The following CCSER1 variants were observed in gnomAD, a reference collection of about 807,000 sequenced individuals.
CCSER1 encodes the protein coiled-coil serine rich protein 1, also known as serine-rich coiled-coil domain-containing protein 1.
In CCSER1, 41 loss-of-function variants were observed where a neutral mutation model predicts 82.0. That is an observed-to-expected ratio of 0.50 (90% confidence interval 0.39 to 0.65). The LOEUF (loss-of-function observed/expected upper bound fraction) is 0.65, where lower values mean the gene tolerates loss of function less well. Among genes scored for constraint, CCSER1 ranks in the 30% least tolerant of loss-of-function variants. The probability of loss-of-function intolerance (pLI) is 0.00; values close to 1 mark genes in which losing one functional copy is unlikely to be tolerated. For synonymous variants in CCSER1, 414 were observed against 383.9 expected, an observed-to-expected ratio of 1.08 and a Z score of -0.92; for missense variants, 1,119 against 1,064.2, an observed-to-expected ratio of 1.05 and a Z score of -0.72.
At chr4:90,775,330 A>G (rs1014418199) in intron 7 of CCSER1, among the ~76,000 whole-genome samples, 1 of 152,182 alleles carries the variant, frequency 6.6e-6, no homozygotes, top group African/African-American at 2.4e-5. Context: ...GAGGTGCCTG[A>G]TCAAACAATG....
At chr4:90,705,117 G>C (rs1270606022) in intron 6 of CCSER1, among the ~76,000 whole-genome samples, 8 of 152,100 alleles carry the variant, frequency 5.3e-5, no homozygotes, top group African/African-American at 1.9e-4. Context: ...TCTAGCTTTG[G>C]TCTTTGATGA....
At chr4:91,044,481 A>G (rs185560062) in intron 9 of CCSER1, among the ~76,000 whole-genome samples, 46 of 152,308 alleles carry the variant, frequency 3.0e-4, no homozygotes, top group African/African-American at 1.1e-3. Context: ...ACTATGATTT[A>G]TCTTGACCTA....
intron 10 of CCSER1, among the ~76,000 whole-genome samples, chr4:91,380,380 C>G (rs541478054): frequency 2.3e-4 from 35 of 152,244 alleles, no homozygotes; most frequent in Admixed American, 5.9e-4. Context: ...GTGTGGGAGT[C>G]TAAGTCTCTT....
At chr4:90,631,838 A>T (rs1351322803) in intron 6 of CCSER1, among the ~76,000 whole-genome samples, 2 of 152,220 alleles carry the variant, frequency 1.3e-5, no homozygotes, top group African/African-American at 4.8e-5. Context: ...TGTTTTATAC[A>T]TAAAATTATT....
chr4:90,254,279 G>A lies in CCSER1; in HGVS notation c.-41-53965G>A, dbSNP rs542947110. Among the ~76,000 whole-genome samples the A allele has an allele frequency of 3.5e-4, 53 of 152,278 alleles. 1 individual carries two copies. Among genetic ancestry groups the A allele is most frequent in the African/African-American group, 1.3e-3 (52 of 41,570 alleles). On this transcript the variant is annotated intron_variant, in intron 1 of 10. Transcript: ENST00000509176. ...TCTGGCTTGCCTCGTTCTCTGGGCA[G>A]TACCCCTGCACCAGTGTTCCAGAGC...
At chr4:90,858,933 A>G (rs1398376771) in intron 8 of CCSER1, among the ~76,000 whole-genome samples, 1 of 151,944 alleles carries the variant, frequency 6.6e-6, no homozygotes, top group Non-Finnish European at 1.5e-5. Flanking sequence ...ACAAATACAT[A>G]TGGCTCTTGA....
Position 90,642,104 on chromosome 4 carries a change from C to T in CCSER1, c.1932+13872C>T, listed in dbSNP as rs544764284. 7.1e-5 allele frequency: 12 copies of T among 168,818 alleles called. No homozygotes were observed. The South Asian group carries it at 1.4e-3, about 20-fold the overall frequency. The allele number at this position is 168,818 out of a possible 1,614,324, so 10.5% of individuals were successfully genotyped here. On this transcript the variant is annotated intron_variant, in intron 6 of 10. Coordinates refer to ENST00000509176, the MANE Select transcript of CCSER1 (RefSeq NM_001145065.2). ...CTCCAAGGAATACTTGAGTCGTCAG[C>T]GCTTCTGATGGGTTTTGGAAAAAGA...
intron 9 of CCSER1, among the ~76,000 whole-genome samples, chr4:90,964,822 G>A (rs370322905): frequency 5.3e-5 from 8 of 150,852 alleles, no homozygotes; most frequent in South Asian, 2.1e-4. Context: ...AAAGGCTTTC[G>A]ATACCACGGA....
At chr4:90,627,450 A>G (rs1723500133) in intron 5 of CCSER1, among the ~76,000 whole-genome samples, 1 of 151,868 alleles carries the variant, frequency 6.6e-6, no homozygotes, top group African/African-American at 2.4e-5. Flanking sequence ...ATAATTCAGA[A>G]ATATATGTAT....
At chr4:91,397,549 T>C (rs1487594216) in intron 10 of CCSER1, among the ~76,000 whole-genome samples, 2 of 152,042 alleles carry the variant, frequency 1.3e-5, no homozygotes, top group African/African-American at 4.8e-5. Flanking sequence ...CTTATTTGTC[T>C]AGTTATCTAG....
At chr4:90,744,430 A>G (rs1233857423) in intron 7 of CCSER1, among the ~76,000 whole-genome samples, 1 of 152,238 alleles carries the variant, frequency 6.6e-6, no homozygotes, top group Non-Finnish European at 1.5e-5. Flanking sequence ...GAAATTTGTC[A>G]ATTGCTAGAA....
At chr4:90,525,720 C>A (rs1324329417) in intron 5 of CCSER1, among the ~76,000 whole-genome samples, 3 of 152,116 alleles carry the variant, frequency 2.0e-5, no homozygotes, top group Non-Finnish European at 4.4e-5. Context: ...CTGCTCACAG[C>A]AGTCCGTAAC....
At chr4:90,757,544 C>G (rs1367246700) in intron 7 of CCSER1, among the ~76,000 whole-genome samples, 1 of 152,156 alleles carries the variant, frequency 6.6e-6, no homozygotes, top group African/African-American at 2.4e-5. Flanking sequence ...GCAATGGCCT[C>G]CTATAAAGTT....
intron 1 of CCSER1, among the ~76,000 whole-genome samples, chr4:90,304,224 G>C (rs1048550440): frequency 3.3e-5 from 5 of 152,198 alleles, no homozygotes; most frequent in Non-Finnish European, 7.3e-5. Flanking sequence ...TTCAACCATT[G>C]TGGAAGTCAG....
chr4:91,308,365 T>C (rs1330848240), intron 10 of CCSER1, among the ~76,000 whole-genome samples: 1 of 152,018 alleles, frequency 6.6e-6, no homozygotes, highest in Non-Finnish European at 1.5e-5. Context: ...TGGATGTACT[T>C]TGAAGGAAAT....
chr4:90,307,168 G>T (rs908039695), intron 1 of CCSER1, among the ~76,000 whole-genome samples: 1 of 152,034 alleles, frequency 6.6e-6, no homozygotes, highest in Non-Finnish European at 1.5e-5. Context: ...TAATCTGTGG[G>T]AAAGTACCTG....
intron 10 of CCSER1, among the ~76,000 whole-genome samples, chr4:91,397,355 A>G (rs185744050): frequency 8.0e-4 from 121 of 152,128 alleles, no homozygotes; most frequent in Non-Finnish European, 1.5e-3. Flanking sequence ...GGATTACATA[A>G]GAAGATGTAC....
chr4:90,158,924 AC>A (rs1303578892), intron 1 of CCSER1, among the ~76,000 whole-genome samples: 1 of 151,964 alleles, frequency 6.6e-6, no homozygotes, highest in Non-Finnish European at 1.5e-5. Context: ...AGTGAGATGA[AC>A]CCAGTACCTC....
chr4:90,897,385 T>A (rs906613004), intron 8 of CCSER1, among the ~76,000 whole-genome samples: 4 of 152,016 alleles, frequency 2.6e-5, no homozygotes, highest in Non-Finnish European at 5.9e-5. Flanking sequence ...TGAGAACATA[T>A]GGTGTTTGAT....
Sources: gnomAD v4.1 joint callset for allele counts (sites outside exome capture counted in the v4.1 genomes callset) on GRCh38, gnomAD v4.1.1 for gene constraint, MANE v1.5 for transcripts, NCBI Gene and HGNC (gene_info 2026-07-23, HGNC 2026-07-21) for gene names.